Variants in HPSE2 observed in about 807,000 individuals in gnomAD.
HPSE2 encodes the protein inactive heparanase-2.
A neutral mutation model predicts 60.5 loss-of-function variants in HPSE2; 38 were observed. The observed-to-expected ratio is 0.63, with a 90% CI of 0.48 to 0.82. The LOEUF is 0.82. HPSE2 is among the 40% of genes least tolerant of loss of function. The pLI, the probability that HPSE2 is intolerant of heterozygous loss-of-function variation, is 0.00. For synonymous variants in HPSE2, 295 were observed against 293.2 expected (o/e 1.01, Z -0.06); for missense variants, 713 against 740.4 (o/e 0.96, Z 0.43).
chr10:99,073,020 G>C (rs1842848541), intron 3 of HPSE2, among the ~76,000 whole-genome samples: 1 of 150,568 alleles, frequency 6.6e-6, no homozygotes, highest in African/African-American at 2.5e-5. Context: ...CTTTTACACT[G>C]TTGGTGGGAA....
chr10:99,107,918 A>C (rs1844311302), intron 3 of HPSE2, among the ~76,000 whole-genome samples: 1 of 152,202 alleles, frequency 6.6e-6, no homozygotes, highest in Non-Finnish European at 1.5e-5. Flanking sequence ...CCTTCTGCAA[A>C]TATTAATATT....
chr10:98,546,049 A>C (rs11189664), intron 9 of HPSE2, among the ~76,000 whole-genome samples: 98,206 of 118,308 alleles, frequency 0.83, 43,022 homozygotes, highest in East Asian at 1. Context: ...AACTCCCATT[A>C]ACAATTGCTT....
rs571760852 is a variant in HPSE2 at position 98,541,221 on chromosome 10, C to T, written c.1321-51025G>A. ...TTGTTAAAATTAAATTTTTAAAAGG[C>T]GATCTTTGTTCTTTTGAAATGTACT... On this transcript the variant is annotated intron_variant, in intron 9 of 11. Coordinates refer to ENST00000370552, the MANE Select transcript of HPSE2 (RefSeq NM_021828.5). Among the ~76,000 whole-genome samples, 7 of 152,164 alleles carry T rather than the reference C, an allele frequency of 4.6e-5. No homozygotes were observed. The East Asian group carries it at 1.2e-3, about 25-fold the overall frequency.
At chr10:99,113,818 T>G (rs978436179) in intron 3 of HPSE2, among the ~76,000 whole-genome samples, 1 of 152,134 alleles carries the variant, frequency 6.6e-6, no homozygotes, top group African/African-American at 2.4e-5. Context: ...GAATATACTG[T>G]GTATTAGTGA....
the HPSE2 span, among the ~76,000 whole-genome samples, chr10:99,305,234 T>A: frequency 6.6e-6 from 1 of 152,102 alleles, no homozygotes; most frequent in African/African-American, 2.4e-5. Flanking sequence ...ATCTGTGATA[T>A]TTTGAAGCTT....
At chr10:98,907,204 G>C (rs1953846304) in intron 3 of HPSE2, among the ~76,000 whole-genome samples, 1 of 152,170 alleles carries the variant, frequency 6.6e-6, no homozygotes, top group Non-Finnish European at 1.5e-5. Context: ...TAAATCCAGA[G>C]AGAAACTGAC....
intron 3 of HPSE2, among the ~76,000 whole-genome samples, chr10:98,950,115 A>G (rs1369978123): frequency 1.3e-5 from 2 of 152,124 alleles, no homozygotes; most frequent in African/African-American, 2.4e-5. Context: ...GAGCTTCTCC[A>G]TAGAGCATGA....
intron 6 of HPSE2, 23 bp downstream of exon 6, chr10:98,693,877 G>A (rs1360430098): frequency 6.3e-7 from 1 of 1,581,048 alleles, no homozygotes; most frequent in Non-Finnish European, 8.7e-7. Flanking sequence ...TAATAAGTAA[G>A]AGCAAAAATG....
intron 7 of HPSE2, among the ~76,000 whole-genome samples, chr10:98,628,696 T>G (rs1274153445): frequency 6.6e-6 from 1 of 152,116 alleles, no homozygotes. Flanking sequence ...AAAGGGCCAG[T>G]GGCTGCTCTG....
At chr10:99,161,923 C>A (rs148130128) in intron 2 of HPSE2, among the ~76,000 whole-genome samples, 51 of 152,250 alleles carry the variant, frequency 3.3e-4, no homozygotes, top group African/African-American at 1.2e-3. Flanking sequence ...AATGAAATAA[C>A]CCAGGCACAA....
intron 3 of HPSE2, among the ~76,000 whole-genome samples, chr10:98,850,585 A>T (rs931620275): frequency 6.6e-6 from 1 of 151,976 alleles, no homozygotes; most frequent in Non-Finnish European, 1.5e-5. Context: ...AAATACAAAA[A>T]AATTAGCCAG....
At position 98,937,132 on chromosome 10, in the gene HPSE2, G is replaced by T. The variant is rs181314480; in HGVS notation, c.611-193076C>A. On this transcript the variant is annotated intron_variant, in intron 3 of 11. Coordinates refer to ENST00000370552, the MANE Select transcript of HPSE2 (RefSeq NM_021828.5). ...AAGATGGCTGAGTAGGAACAGCTCT[G>T]GTCTACAGCTCCCAGCGTTAAGCGA... 3.8e-4 allele frequency among the ~76,000 whole-genome samples: 54 copies of T among 143,904 alleles called. 9 individuals are homozygous for T. The highest frequency in any genetic ancestry group is 1.4e-3 in the African/African-American group (48 of 35,422). 94.4% of individuals were successfully genotyped at this position (143,904 alleles called of 152,430 possible).
chr10:98,718,337 A>G (rs1055637012), intron 5 of HPSE2, among the ~76,000 whole-genome samples: 1 of 152,200 alleles, frequency 6.6e-6, no homozygotes, highest in Non-Finnish European at 1.5e-5. Context: ...TGAAGATTCT[A>G]TCTCTGTCTT....
intron 4 of HPSE2, among the ~76,000 whole-genome samples, chr10:98,724,527 T>C (rs1949017688): frequency 6.6e-6 from 1 of 152,178 alleles, no homozygotes; most frequent in Non-Finnish European, 1.5e-5. Context: ...CCTTGTTAAC[T>C]TTCTGTCTTC....
intron 2 of HPSE2, among the ~76,000 whole-genome samples, chr10:99,152,936 T>G (rs1257734008): frequency 1.3e-5 from 2 of 152,206 alleles, no homozygotes; most frequent in African/African-American, 2.4e-5. Flanking sequence ...TTGCCTCACT[T>G]GGGAAGCGCA....
intron 2 of HPSE2, among the ~76,000 whole-genome samples, chr10:99,217,194 G>C (rs909071926): frequency 1.3e-5 from 2 of 150,290 alleles, no homozygotes; most frequent in African/African-American, 4.9e-5. Context: ...AGTAACATTA[G>C]TATCTAGTAG....
At chr10:98,532,261 C>T (rs535768897) in intron 9 of HPSE2, among the ~76,000 whole-genome samples, 2 of 152,182 alleles carry the variant, frequency 1.3e-5, no homozygotes, top group South Asian at 4.1e-4. Flanking sequence ...TTGTTATGTA[C>T]GAAGCTTCAG....
intron 3 of HPSE2, among the ~76,000 whole-genome samples, chr10:98,807,700 AGGT>A (rs1951073789): frequency 6.6e-6 from 1 of 152,182 alleles, no homozygotes; most frequent in South Asian, 2.1e-4. Context: ...TACCTTATCA[AGGT>A]AGGACATTTA....
chr10:98,990,472 C>A (rs1956496107), intron 3 of HPSE2, among the ~76,000 whole-genome samples: 2 of 152,152 alleles, frequency 1.3e-5, no homozygotes, highest in African/African-American at 4.8e-5. Flanking sequence ...TGGGGAGTGG[C>A]TGTAAATAAA....
Sources: gnomAD v4.1 joint callset for allele counts (sites outside exome capture counted in the v4.1 genomes callset) on GRCh38, gnomAD v4.1.1 for gene constraint, MANE v1.5 for transcripts, NCBI Gene and HGNC (gene_info 2026-07-23, HGNC 2026-07-21) for gene names.